Variants in FUT8 observed in about 807,000 individuals in gnomAD.
The protein encoded by FUT8 is fucosyltransferase 8, also known as alpha-(1,6)-fucosyltransferase.
Under a neutral mutation model 71.3 loss-of-function variants are expected in FUT8, and 29 were observed. The observed-to-expected ratio is 0.41, with a 90% confidence interval of 0.30 to 0.55. FUT8 has a LOEUF of 0.55. FUT8 is among the 20% of genes least tolerant of loss of function. FUT8 has a pLI of 0.34. For missense variants in FUT8, 544 were observed against 702.1 expected (o/e 0.77, Z 2.55); for synonymous variants, 254 against 239.3 (o/e 1.06, Z -0.57).
At chr14:65,715,988 A>C (rs568992394) in intron 7 of FUT8, among the ~76,000 whole-genome samples, 56 of 151,826 alleles carry the variant, frequency 3.7e-4, no homozygotes, top group African/African-American at 1.4e-3. Flanking sequence ...AAAAAAAAAA[A>C]ACAACTTGAT....
chr14:65,717,266 C>T (rs1476448398), intron 7 of FUT8, among the ~76,000 whole-genome samples: 2 of 113,674 alleles, frequency 1.8e-5, no homozygotes, highest in Non-Finnish European at 3.6e-5. Context: ...ACGGGGCGGC[C>T]GGGCAGAGGC....
intron 2 of FUT8, among the ~76,000 whole-genome samples, chr14:65,508,067 C>CTTTTTT (rs71446303): frequency 7.9e-6 from 1 of 126,036 alleles, no homozygotes; most frequent in Non-Finnish European, 1.7e-5. Context: ...ATGTTAAACA[C>CTTTTTT]TTTTTTTTTT....
chr14:65,541,510 G>T (rs188406848), intron 2 of FUT8, among the ~76,000 whole-genome samples: 41 of 152,322 alleles, frequency 2.7e-4, no homozygotes, highest in African/African-American at 8.9e-4. Flanking sequence ...ACAATTAGTA[G>T]CTCTGGTATT....
At chr14:65,497,977 A>G (rs1392818601) in intron 2 of FUT8, among the ~76,000 whole-genome samples, 1 of 152,164 alleles carries the variant, frequency 6.6e-6, no homozygotes, top group Non-Finnish European at 1.5e-5. Context: ...AATAATTTAT[A>G]TAACTAATAA....
chr14:65,523,892 G>A (rs1883259700), intron 2 of FUT8, among the ~76,000 whole-genome samples: 1 of 152,128 alleles, frequency 6.6e-6, no homozygotes, highest in Non-Finnish European at 1.5e-5. Flanking sequence ...TAGATGTGTG[G>A]TATTATTTCT....
In FUT8 at chr14:65,625,752, T is replaced by G. The variant is rs111477561; in HGVS notation, c.483-3740T>G. 6.9e-3 allele frequency among the ~76,000 whole-genome samples: 1,054 copies of G among 152,328 alleles called. 11 individuals are homozygous for G. Among genetic ancestry groups the G allele is most frequent in the African/African-American group, 0.024 (990 of 41,574 alleles). ...TGTTCCACTATTAATTTAGGATGAA[T>G]AGTCTAAATGGTGGCTAAGATTTTT... On this transcript the variant is annotated intron_variant, in intron 5 of 10. Coordinates refer to ENST00000673929, the MANE Select transcript of FUT8 (RefSeq NM_001371533.1).
intron 2 of FUT8, among the ~76,000 whole-genome samples, chr14:65,484,891 T>C (rs976011174): frequency 6.6e-6 from 1 of 152,200 alleles, no homozygotes; most frequent in Non-Finnish European, 1.5e-5. Flanking sequence ...TTTTTCCAAG[T>C]TCATGGATTT....
intron 7 of FUT8, among the ~76,000 whole-genome samples, chr14:65,700,567 T>C (rs1357598466): frequency 2.6e-5 from 4 of 151,268 alleles, no homozygotes; most frequent in African/African-American, 4.9e-5. Context: ...GTTTTTTGTA[T>C]TTTTTTTGTT....
At chr14:65,392,648 T>G in the FUT8 span, among the ~76,000 whole-genome samples, 2 of 152,210 alleles carry the variant, frequency 1.3e-5, no homozygotes, top group African/African-American at 4.8e-5. Context: ...AGGCTTATTA[T>G]TGTGTAGAAA....
chr14:65,566,011 T>C (rs1886174630), intron 3 of FUT8, among the ~76,000 whole-genome samples: 2 of 152,090 alleles, frequency 1.3e-5, no homozygotes, highest in African/African-American at 4.8e-5. Flanking sequence ...TATTTGCTCT[T>C]GATTTTTCCA....
In FUT8 at chr14:65,639,083, A is replaced by G. The variant is rs1160782449; in HGVS notation, c.597+9477A>G. On this transcript the variant is annotated intron_variant, in intron 6 of 10. Coordinates refer to ENST00000673929, the MANE Select transcript of FUT8 (RefSeq NM_001371533.1). ...ACCTAAGAGTATACTGAGAAAGAAA[A>G]TACCTTTTCCAAGATAAAAAAAAAA... is the stretch of plus-strand genomic sequence containing the variant. 5.3e-5 allele frequency among the ~76,000 whole-genome samples: 8 copies of G among 152,268 alleles called. 1 individual carries two copies. In the South Asian group the frequency reaches 1.7e-3, roughly 32 times the overall value.
At chr14:65,650,314 A>AC (rs1298010809) in intron 6 of FUT8, among the ~76,000 whole-genome samples, 4 of 149,608 alleles carry the variant, frequency 2.7e-5, no homozygotes, top group East Asian at 3.9e-4. Flanking sequence ...AAAAAAAAAA[A>AC]AAAAAAAAAA....
chr14:65,503,120 G>T (rs982232905), intron 2 of FUT8, among the ~76,000 whole-genome samples: 19 of 152,184 alleles, frequency 1.2e-4, no homozygotes, highest in African/African-American at 4.1e-4. Flanking sequence ...TTCTTTCCAG[G>T]TAGGATCAGA....
At chr14:65,434,001 G>A (rs1341584221) in intron 1 of FUT8, among the ~76,000 whole-genome samples, 4 of 152,186 alleles carry the variant, frequency 2.6e-5, no homozygotes, top group Admixed American at 1.3e-4. Context: ...TTGCCCTACA[G>A]TGGGGTTGGG....
chr14:65,575,568 TTTCCTTCCTTCCTTCTTCCTTCC>T lies in FUT8; in HGVS notation c.203+13818_203+13840del, dbSNP rs1349223538. Among the ~76,000 whole-genome samples the T allele has an allele frequency of 2.7e-3, 210 of 77,582 alleles. 1 individual carries two copies. Among genetic ancestry groups the T allele is most frequent in the Middle Eastern group, 0.014 (2 of 140 alleles). 50.9% of individuals were successfully genotyped at this position (77,582 alleles called of 152,430 possible). On this transcript the variant is annotated intron_variant, in intron 3 of 10. Transcript: ENST00000673929. Reference sequence around the variant, plus strand: ...CCAACCTCCCTTCCTCCCTCCCTTCTTTCCTTCCTTCCTTCTTCCTTCCTTCCTTCCTTCCTTCCTTCCTTCCT... The same window carrying T: ...CCAACCTCCCTTCCTCCCTCCCTTCTTTCCTTCCTTCCTTCCTTCCTTCCT...
chr14:65,625,650 G>C (rs1889859502), intron 5 of FUT8, among the ~76,000 whole-genome samples: 1 of 152,230 alleles, frequency 6.6e-6, no homozygotes, highest in Non-Finnish European at 1.5e-5. Context: ...TCCTGTGTGT[G>C]ATGAATGTTG....
chr14:65,595,239 T>C (rs1201817612), intron 3 of FUT8, among the ~76,000 whole-genome samples: 3 of 152,230 alleles, frequency 2.0e-5, no homozygotes, highest in African/African-American at 7.2e-5. Context: ...CTCCTGAAAG[T>C]GTCTGGATAT....
chr14:65,541,231 G>A (rs762033698), intron 2 of FUT8, among the ~76,000 whole-genome samples: 4 of 152,162 alleles, frequency 2.6e-5, no homozygotes, highest in East Asian at 1.9e-4. Flanking sequence ...ATAAAGATGC[G>A]TAATTGTCAG....
intron 6 of FUT8, among the ~76,000 whole-genome samples, chr14:65,650,474 C>G (rs1359659432): frequency 6.6e-6 from 1 of 151,754 alleles, no homozygotes; most frequent in Non-Finnish European, 1.5e-5. Context: ...CATGGTGGAG[C>G]AGGAGCAAGA....
Sources: allele counts gnomAD v4.1 joint callset (sites outside exome capture counted in the v4.1 genomes callset), GRCh38; gene constraint gnomAD v4.1.1; transcripts MANE v1.5; gene names NCBI Gene and HGNC (gene_info 2026-07-23, HGNC 2026-07-21).